The following NCK2 variants were observed in gnomAD, a reference collection of about 807,000 sequenced individuals.
The protein encoded by NCK2 is cytoplasmic protein NCK2.
A neutral mutation model predicts 33.9 loss-of-function variants in NCK2; 16 were observed. The ratio of observed to expected loss-of-function variants is 0.47; its 90% CI spans 0.32 to 0.72. The LOEUF is 0.72. Among genes scored for constraint, NCK2 ranks in the 30% least tolerant of loss-of-function variants. NCK2 has a pLI of 0.03. For synonymous variants in NCK2, 273 were observed against 239.9 expected (o/e 1.14, Z -1.27); for missense variants, 418 against 537.3 (o/e 0.78, Z 2.19).
intron 2 of NCK2, among the ~76,000 whole-genome samples, chr2:105,824,722 C>T (rs1312111358): frequency 6.6e-6 from 1 of 152,034 alleles, no homozygotes; most frequent in Non-Finnish European, 1.5e-5. Context: ...TAACTTCCGG[C>T]CTTGGTTCCT....
rs540252256 is a variant in NCK2, at chr2:105,891,502, A to C, written c.949-1480A>C. On this transcript the variant is annotated intron_variant, in intron 4 of 4. Transcript: ENST00000233154. ...TATCGTTCAGTATCTTCTTTCCTGC[A>C]TGCTTTTCAGCAAATGAGATAAAAG... is the stretch of plus-strand genomic sequence containing the variant. 3.0e-5 allele frequency among the ~76,000 whole-genome samples: 4 copies of C among 133,842 alleles called. No individual in the cohort carries two copies. The Admixed American group carries it at 3.0e-4, about 10-fold the overall frequency. The allele number at this position is 133,842 out of a possible 152,430, so 87.8% of individuals were successfully genotyped here.
At chr2:105,839,085 C>T (rs1183455773) in intron 2 of NCK2, among the ~76,000 whole-genome samples, 2 of 152,078 alleles carry the variant, frequency 1.3e-5, no homozygotes, top group East Asian at 1.9e-4. Context: ...AGGGAGGGGA[C>T]ATTTGAATGG....
rs140411730 is a variant in NCK2 at position 105,780,749 on chromosome 2, G to A, written c.-201+35611G>A. On this transcript the variant is annotated intron_variant, in intron 1 of 4. Coordinates refer to ENST00000233154, the MANE Select transcript of NCK2 (RefSeq NM_003581.5). The stretch of plus-strand genomic sequence containing the variant: ...TTGCAAATGGGATTAATTTCCTTAC[G>A]GAAGACACCCCAGAGGGCCCCCTCA... Among the ~76,000 whole-genome samples, 470 of 152,254 alleles carry A rather than the reference G, an allele frequency of 3.1e-3. 4 individuals carry two copies. The highest frequency in any genetic ancestry group is 0.011 in the African/African-American group (455 of 41,530).
chr2:105,879,837 G>A (rs3820890), intron 3 of NCK2, among the ~76,000 whole-genome samples: 44,314 of 152,192 alleles, frequency 0.29, 6,730 homozygotes, highest in South Asian at 0.39. Context: ...CTAGTTTAAG[G>A]AAGAAAAGGA....
chr2:105,883,077 A>T (rs1330368627), intron 4 of NCK2, among the ~76,000 whole-genome samples: 1 of 152,108 alleles, frequency 6.6e-6, no homozygotes, highest in African/African-American at 2.4e-5. Flanking sequence ...AGGACGGAGC[A>T]TCGTGGTGGT....
chr2:105,801,297 C>T (rs981516309), intron 1 of NCK2, among the ~76,000 whole-genome samples: 3 of 152,086 alleles, frequency 2.0e-5, no homozygotes, highest in Non-Finnish European at 2.9e-5. Context: ...CCTTGTTGGA[C>T]GTCATTGTAG....
chr2:105,812,470 A>T (rs1007179081), intron 1 of NCK2, among the ~76,000 whole-genome samples: 2 of 152,202 alleles, frequency 1.3e-5, no homozygotes, highest in African/African-American at 4.8e-5. Flanking sequence ...GCTCTGCCAG[A>T]ATTCCCTCAG....
intron 1 of NCK2, among the ~76,000 whole-genome samples, chr2:105,765,038 G>A (rs1335484793): frequency 6.7e-6 from 1 of 148,828 alleles, no homozygotes; most frequent in Non-Finnish European, 1.5e-5. Flanking sequence ...TTTTTTTAGT[G>A]TAAATTCCTT....
intron 1 of NCK2, among the ~76,000 whole-genome samples, chr2:105,794,427 T>C (rs958533335): frequency 1.3e-5 from 2 of 152,140 alleles, no homozygotes; most frequent in East Asian, 1.9e-4. Flanking sequence ...ACTTATTTGC[T>C]TGCTTGTGTG....
intron 1 of NCK2, among the ~76,000 whole-genome samples, chr2:105,792,143 T>C (rs1690907066): frequency 6.6e-6 from 1 of 152,162 alleles, no homozygotes; most frequent in African/African-American, 2.4e-5. Context: ...ACCCGCTCCA[T>C]GCCCTAGGCA....
intron 2 of NCK2, among the ~76,000 whole-genome samples, chr2:105,821,786 C>T (rs1040276494): frequency 7.1e-6 from 1 of 141,284 alleles, no homozygotes; most frequent in Non-Finnish European, 1.6e-5. Context: ...GTTAAGGAGA[C>T]TGTCCACAGC....
At chr2:105,838,933 G>C (rs923765928) in intron 2 of NCK2, among the ~76,000 whole-genome samples, 1 of 152,206 alleles carries the variant, frequency 6.6e-6, no homozygotes, top group Non-Finnish European at 1.5e-5. Flanking sequence ...GTGAAGTAAT[G>C]GTAAGGGCCA....
intron 2 of NCK2, among the ~76,000 whole-genome samples, chr2:105,851,537 G>A (rs557176756): frequency 6.6e-5 from 10 of 152,210 alleles, no homozygotes; most frequent in African/African-American, 2.2e-4. Context: ...GATTACAGGC[G>A]TGAGCCACCG....
At chr2:105,784,293 TC>T (rs2104409395) in intron 1 of NCK2, among the ~76,000 whole-genome samples, 1 of 152,296 alleles carries the variant, frequency 6.6e-6, no homozygotes, top group East Asian at 1.9e-4. Context: ...GAAGTTGCCA[TC>T]CCTTTTCTCA....
intron 1 of NCK2, among the ~76,000 whole-genome samples, chr2:105,746,748 G>A (rs74556944): frequency 1.9e-3 from 292 of 152,336 alleles, no homozygotes; most frequent in East Asian, 5.2e-3. Context: ...AAGTGAACAC[G>A]AGGGAAAATC....
intron 1 of NCK2, among the ~76,000 whole-genome samples, chr2:105,749,988 C>G (rs1350691197): frequency 6.6e-6 from 1 of 150,820 alleles, no homozygotes; most frequent in Non-Finnish European, 1.5e-5. Flanking sequence ...CAAGATCACA[C>G]CACTGCACTC....
intron 1 of NCK2, among the ~76,000 whole-genome samples, chr2:105,802,824 G>A (rs1305729339): frequency 1.3e-5 from 2 of 151,864 alleles, no homozygotes; most frequent in Non-Finnish European, 2.9e-5. Context: ...ATGGGCCATG[G>A]ATGATGACTG....
chr2:105,879,024 A>G (rs1678352227), intron 3 of NCK2, among the ~76,000 whole-genome samples: 2 of 152,248 alleles, frequency 1.3e-5, no homozygotes, highest in South Asian at 2.1e-4. Context: ...ATATTCGTCT[A>G]TCAGTTATAA....
intron 1 of NCK2, among the ~76,000 whole-genome samples, chr2:105,786,462 G>A (rs1215347121): frequency 1.3e-5 from 2 of 152,224 alleles, no homozygotes; most frequent in African/African-American, 2.4e-5. Flanking sequence ...AGCCTTGGAG[G>A]TGGCCCTGGC....
Sources: allele counts gnomAD v4.1 joint callset (sites outside exome capture counted in the v4.1 genomes callset), GRCh38; gene constraint gnomAD v4.1.1; transcripts MANE v1.5; gene names NCBI Gene and HGNC (gene_info 2026-07-23, HGNC 2026-07-21).